Variants in KPNA3 observed in about 807,000 individuals in gnomAD.
The protein encoded by KPNA3 is karyopherin subunit alpha 3.
In KPNA3, 13 loss-of-function variants were observed where a neutral mutation model predicts 73.8. The ratio of observed to expected loss-of-function variants is 0.18; its 90% CI spans 0.11 to 0.28. KPNA3 has a LOEUF of 0.28. Among genes scored for constraint, KPNA3 ranks in the 10% least tolerant of loss-of-function variants. KPNA3 has a pLI of 1.00. For synonymous variants in KPNA3, 186 were observed against 206.9 expected, an observed-to-expected ratio of 0.90 and a Z score of 0.87; for missense variants, 360 against 618.1, an observed-to-expected ratio of 0.58 and a Z score of 4.43.
At chr13:49,762,503 A>G (rs1226686689) in intron 1 of KPNA3, among the ~76,000 whole-genome samples, 1 of 151,876 alleles carries the variant, frequency 6.6e-6, no homozygotes, top group African/African-American at 2.4e-5. Context: ...AGGAGACTCC[A>G]TTTTTGTTCT....
At chr13:49,790,038 G>T (rs186141635) in intron 1 of KPNA3, among the ~76,000 whole-genome samples, 1 of 152,164 alleles carries the variant, frequency 6.6e-6, no homozygotes, top group Non-Finnish European at 1.5e-5. Context: ...TAAACTCCCT[G>T]AAGTACAGAC....
intron 1 of KPNA3, among the ~76,000 whole-genome samples, chr13:49,772,494 G>T (rs1018726362): frequency 1.6e-4 from 24 of 152,256 alleles, no homozygotes; most frequent in Non-Finnish European, 3.2e-4. Flanking sequence ...CCTTGGAAAA[G>T]AATTTCAAAG....
Position 49,792,587 on chromosome 13 carries a change from GGGGGAGAGCGGGAGGGGGGA to G in KPNA3, c.-101_-82del, listed in dbSNP as rs753420953. ...GAATCTTGGAGCGGGAGGGGGAGGA[GGGGGAGAGCGGGAGGGGGGA>G]GGGGAGAGAAGAGCACGTTCTGTGA... On this transcript the variant is annotated 5_prime_UTR_variant, in exon 1 of 17. Transcript: ENST00000261667. The G allele has an allele frequency of 0.027, 17,733 of 657,174 alleles. 424 individuals carry two copies. Among genetic ancestry groups the G allele is most frequent in the Non-Finnish European group, 0.032 (13,249 of 420,190 alleles). The allele number at this position is 657,174 out of a possible 1,614,324, so 40.7% of individuals were successfully genotyped here. A position where few individuals can be genotyped will look rare whatever the true frequency, so the allele number is the denominator to read the frequency against.
At chr13:49,710,404 A>G (rs1954249468) in intron 11 of KPNA3, among the ~76,000 whole-genome samples, 1 of 152,234 alleles carries the variant, frequency 6.6e-6, no homozygotes, top group Admixed American at 6.5e-5. Context: ...AAATGCAATT[A>G]GGTTATTGCA....
At position 49,706,094 on chromosome 13, in the gene KPNA3, T is replaced by C. The variant is rs759267169; in HGVS notation, c.1209+4A>G. The stretch of plus-strand genomic sequence containing the variant: ...TCATGACAGTTACAGGTTTTCAAAC[T>C]CACCTGATCTTTTCTGCCACTTATT... On this transcript the variant is annotated splice_donor_region_variant and intron_variant, in intron 14 of 16. Transcript: ENST00000261667. 1 of 1,611,296 alleles carries C rather than the reference T, an allele frequency of 6.2e-7. No homozygotes were observed. Among genetic ancestry groups the C allele is most frequent in the Non-Finnish European group, 8.5e-7 (1 of 1,179,050 alleles).
Position 49,792,668 on chromosome 13 carries a change from A to G in KPNA3, c.-162T>C, listed in dbSNP as rs1594469501. Reference sequence around the variant, plus strand: ...CGCGAGGTGGCAGTAGCGCCGGGGGAGGCGCGGGCCGACTGCCGGGCCGGG... The same window carrying G: ...CGCGAGGTGGCAGTAGCGCCGGGGGGGGCGCGGGCCGACTGCCGGGCCGGG... On this transcript the variant is annotated 5_prime_UTR_variant, in exon 1 of 17. Coordinates refer to ENST00000261667, the MANE Select transcript of KPNA3 (RefSeq NM_002267.4). 5.9e-6 allele frequency: 2 copies of G among 340,224 alleles called. No individual in the cohort carries two copies. Among genetic ancestry groups the G allele is most frequent in the South Asian group, 2.7e-5 (1 of 37,188 alleles). 21.1% of individuals were successfully genotyped at this position (340,224 alleles called of 1,614,324 possible).
chr13:49,732,532 A>G, intron 5 of KPNA3, 66 bp from the exon 6 acceptor site: 1 of 1,445,320 alleles, frequency 6.9e-7, no homozygotes, highest in Non-Finnish European at 9.6e-7. Flanking sequence ...ATAACAACAT[A>G]TTAACTTCTA....
intron 1 of KPNA3, among the ~76,000 whole-genome samples, chr13:49,785,874 CTGCATATGGT>C (rs1288593190): frequency 6.6e-6 from 1 of 152,188 alleles, no homozygotes; most frequent in African/African-American, 2.4e-5. Flanking sequence ...CCTTTAGACA[CTGCATATGGT>C]TAAACAGAGC....
In KPNA3 at chr13:49,726,848, G is replaced by A. The variant is rs190118357; in HGVS notation, c.384-1347C>T. Among the ~76,000 whole-genome samples the A allele has an allele frequency of 1.6e-3, 237 of 152,142 alleles. 1 individual carries two copies. Among genetic ancestry groups the A allele is most frequent in the African/African-American group, 5.1e-3 (213 of 41,522 alleles). On this transcript the variant is annotated intron_variant, in intron 6 of 16. Transcript: ENST00000261667. ...GTCCCAGCTACTTGGGATGCTGGGC[G>A]GGGGTGGGATGGGGGGATTGCTTGA...
intron 1 of KPNA3, among the ~76,000 whole-genome samples, chr13:49,768,962 C>A (rs991889514): frequency 1.3e-5 from 2 of 152,098 alleles, no homozygotes; most frequent in Non-Finnish European, 2.9e-5. Flanking sequence ...TATTCTTCAC[C>A]AAGTAGCAGG....
At chr13:49,769,145 G>A (rs556179215) in intron 1 of KPNA3, among the ~76,000 whole-genome samples, 124 of 150,950 alleles carry the variant, frequency 8.2e-4, no homozygotes, top group Admixed American at 2.2e-3. Flanking sequence ...CTATAGGAAG[G>A]TAACTCTACA....
intron 1 of KPNA3, among the ~76,000 whole-genome samples, chr13:49,761,469 A>G (rs1298288072): frequency 6.6e-6 from 1 of 152,238 alleles, no homozygotes; most frequent in Non-Finnish European, 1.5e-5. Context: ...TCCAGCTCCT[A>G]ACCGCGAGTG....
At chr13:49,702,317 T>TAC in intron 16 of KPNA3, 69 bp downstream of exon 16, 2 of 814,322 alleles carry the variant, frequency 2.5e-6, no homozygotes, top group Non-Finnish European at 4.1e-6. Context: ...AGGAAAACTC[T>TAC]TAGTAAATTT....
At chr13:49,710,655 G>C (rs1954251511) in intron 11 of KPNA3, among the ~76,000 whole-genome samples, 1 of 152,186 alleles carries the variant, frequency 6.6e-6, no homozygotes, top group South Asian at 2.1e-4. Flanking sequence ...AAAGCTTGAA[G>C]GAGTTCTTAG....
chr13:49,780,654 A>G (rs914036508), intron 1 of KPNA3, among the ~76,000 whole-genome samples: 2 of 152,024 alleles, frequency 1.3e-5, no homozygotes, highest in African/African-American at 4.8e-5. Flanking sequence ...GTTTTTCACA[A>G]TCTGGCTCTT....
At chr13:49,709,398 CAA>C (rs386379154) in intron 12 of KPNA3, among the ~76,000 whole-genome samples, 172 bp downstream of exon 12, 11 of 97,582 alleles carry the variant, frequency 1.1e-4, no homozygotes, top group Admixed American at 1.1e-4. Flanking sequence ...GACTCTGTCT[CAA>C]AAAAAAAAAA....
intron 2 of KPNA3, among the ~76,000 whole-genome samples, chr13:49,743,639 C>A (rs1437831369): frequency 6.6e-6 from 1 of 150,500 alleles, no homozygotes; most frequent in Non-Finnish European, 1.5e-5. Flanking sequence ...AAAAGATATG[C>A]TGTGACATGC....
intron 1 of KPNA3, among the ~76,000 whole-genome samples, chr13:49,763,808 A>G (rs1224913745): frequency 6.6e-6 from 1 of 152,024 alleles, no homozygotes; most frequent in Non-Finnish European, 1.5e-5. Context: ...GGTGGGCACC[A>G]GCAATCCCAG....
At position 49,761,725 on chromosome 13, in the gene KPNA3, C is replaced by A. The variant is rs545016969; in HGVS notation, c.70-14732G>T. Among the ~76,000 whole-genome samples the A allele has an allele frequency of 1.7e-4, 26 of 152,074 alleles. No individual in the cohort carries two copies. The South Asian group carries it at 5.4e-3, about 32-fold the overall frequency. On this transcript the variant is annotated intron_variant, in intron 1 of 16. Transcript: ENST00000261667. Reference sequence around the variant, plus strand: ...ATCGTCTGGGATGTGAGGAGCCCCTCTGCCCGGCTGCCCAGTCTGGGAAGT... The same window carrying A: ...ATCGTCTGGGATGTGAGGAGCCCCTATGCCCGGCTGCCCAGTCTGGGAAGT...
Sources: gnomAD v4.1 joint callset for allele counts (sites outside exome capture counted in the v4.1 genomes callset) on GRCh38, gnomAD v4.1.1 for gene constraint, MANE v1.5 for transcripts, NCBI Gene and HGNC (gene_info 2026-07-23, HGNC 2026-07-21) for gene names.